The following CNTN5 variants were observed in gnomAD, a reference collection of about 807,000 sequenced individuals.
The protein encoded by CNTN5 is contactin-5.
A neutral mutation model predicts 129.1 loss-of-function variants in CNTN5; 77 were observed. The observed-to-expected ratio is 0.60, with a 90% CI of 0.50 to 0.72. The LOEUF (loss-of-function observed/expected upper bound fraction) is 0.72. Ranked by LOEUF, CNTN5 falls within the 30% of genes least tolerant of loss-of-function variation. The pLI, the probability that CNTN5 is intolerant of heterozygous loss-of-function variation, is 0.00. For synonymous variants in CNTN5, 509 were observed against 465.6 expected, an observed-to-expected ratio of 1.09 and a Z score of -1.20; for missense variants, 1,478 against 1,328.8, an observed-to-expected ratio of 1.11 and a Z score of -1.75.
chr11:100,073,818 C>CT (rs1236850060), intron 12 of CNTN5, among the ~76,000 whole-genome samples: 2 of 152,118 alleles, frequency 1.3e-5, no homozygotes, highest in Non-Finnish European at 2.9e-5. Flanking sequence ...CAAATGGACT[C>CT]TGTCAGTTAG....
chr11:99,415,669 A>C (rs1942625435), intron 2 of CNTN5, among the ~76,000 whole-genome samples: 1 of 152,114 alleles, frequency 6.6e-6, no homozygotes, highest in African/African-American at 2.4e-5. Context: ...AGAGCAGGAG[A>C]GTGTCAAAGA....
chr11:99,909,275 C>T (rs1384307228), intron 6 of CNTN5, among the ~76,000 whole-genome samples: 4 of 152,062 alleles, frequency 2.6e-5, no homozygotes, highest in African/African-American at 9.7e-5. Flanking sequence ...CATCTCACAC[C>T]AGTTAGAATG....
intron 1 of CNTN5, among the ~76,000 whole-genome samples, chr11:99,317,384 T>C (rs373107674): frequency 6.6e-6 from 1 of 152,200 alleles, no homozygotes; most frequent in South Asian, 2.1e-4. Context: ...TAGTGACAGA[T>C]GTAGCAATAT....
At chr11:99,685,224 A>G (rs1269004507) in intron 3 of CNTN5, among the ~76,000 whole-genome samples, 6 of 151,524 alleles carry the variant, frequency 4.0e-5, no homozygotes, top group Non-Finnish European at 5.9e-5. Flanking sequence ...TATTGCTTTA[A>G]GGCTTTGATT....
Position 99,031,376 on chromosome 11 carries a change from C to G in CNTN5, c.-210+10106C>G, listed in dbSNP as rs576543526. On this transcript the variant is annotated intron_variant, in intron 1 of 24. Coordinates refer to ENST00000524871, the MANE Select transcript of CNTN5 (RefSeq NM_014361.4). The stretch of plus-strand genomic sequence containing the variant: ...TACCCGTGCAATAAGTAAACCTCTT[C>G]CTGAAACATTTACTGATTATTCTAC... Among the ~76,000 whole-genome samples, 4 of 152,028 alleles carry G rather than the reference C, an allele frequency of 2.6e-5. No homozygotes were observed. In the South Asian group the frequency reaches 8.3e-4, roughly 32 times the overall value.
intron 21 of CNTN5, among the ~76,000 whole-genome samples, chr11:100,323,567 T>A (rs1951735040): frequency 6.6e-6 from 1 of 152,152 alleles, no homozygotes; most frequent in Non-Finnish European, 1.5e-5. Context: ...CATCCACATT[T>A]CCATCATTTT....
chr11:99,819,030 G>T (rs1054443952), intron 3 of CNTN5, among the ~76,000 whole-genome samples: 1 of 151,856 alleles, frequency 6.6e-6, no homozygotes, highest in African/African-American at 2.4e-5. Context: ...ATAAATTTTA[G>T]TAAATGAAGT....
chr11:100,263,726 A>G (rs1950248464), intron 17 of CNTN5, among the ~76,000 whole-genome samples: 1 of 152,212 alleles, frequency 6.6e-6, no homozygotes, highest in East Asian at 1.9e-4. Flanking sequence ...CTGTGCTTCA[A>G]TCTTATTCTT....
chr11:100,245,008 TTA>T (rs1473954001), intron 16 of CNTN5, among the ~76,000 whole-genome samples: 4 of 152,172 alleles, frequency 2.6e-5, no homozygotes, highest in Non-Finnish European at 4.4e-5. Context: ...CAGTTATCCT[TTA>T]TATCTTAGAA....
intron 3 of CNTN5, among the ~76,000 whole-genome samples, chr11:99,756,584 C>G (rs1053429308): frequency 1.3e-5 from 2 of 152,046 alleles, no homozygotes; most frequent in African/African-American, 4.8e-5. Flanking sequence ...AATACACACT[C>G]AAAGAATGGA....
At chr11:99,808,536 T>C (rs190796018) in intron 3 of CNTN5, among the ~76,000 whole-genome samples, 2 of 152,320 alleles carry the variant, frequency 1.3e-5, no homozygotes, top group Admixed American at 1.3e-4. Flanking sequence ...TGTGCCTCAG[T>C]AACCTGTAAT....
At chr11:99,385,593 T>G (rs1454163205) in intron 2 of CNTN5, among the ~76,000 whole-genome samples, 1 of 152,158 alleles carries the variant, frequency 6.6e-6, no homozygotes, top group Non-Finnish European at 1.5e-5. Flanking sequence ...GAGAGAAAAT[T>G]TGTAAGAAAA....
intron 3 of CNTN5, among the ~76,000 whole-genome samples, chr11:99,579,058 G>C (rs977716122): frequency 1.3e-5 from 2 of 152,102 alleles, no homozygotes; most frequent in Admixed American, 6.6e-5. Flanking sequence ...TGGCTAGCCA[G>C]TTTCCCCAGC....
intron 9 of CNTN5, among the ~76,000 whole-genome samples, chr11:100,040,744 C>T (rs190384299): frequency 0.012 from 1,775 of 152,114 alleles, 23 homozygotes; most frequent in Non-Finnish European, 0.02. Context: ...TAGCAATGAG[C>T]GAGACTCTGT....
chr11:100,250,171 G>A (rs1009945699), intron 16 of CNTN5, among the ~76,000 whole-genome samples: 2 of 151,896 alleles, frequency 1.3e-5, no homozygotes, highest in Admixed American at 6.6e-5. Context: ...CATTCATGGA[G>A]CTTGTCTGTC....
intron 17 of CNTN5, among the ~76,000 whole-genome samples, chr11:100,268,416 C>A (rs1282797490): frequency 6.6e-6 from 1 of 152,056 alleles, no homozygotes; most frequent in Non-Finnish European, 1.5e-5. Context: ...AGAAGAGAAC[C>A]AGCCAAAGGC....
At chr11:100,269,351 C>G (rs921337583) in intron 17 of CNTN5, among the ~76,000 whole-genome samples, 2 of 152,052 alleles carry the variant, frequency 1.3e-5, no homozygotes, top group African/African-American at 4.8e-5. Context: ...TAATTGCAGA[C>G]AGTAAGTAAT....
At chr11:99,643,964 A>G (rs1358575437) in intron 3 of CNTN5, among the ~76,000 whole-genome samples, 1 of 152,194 alleles carries the variant, frequency 6.6e-6, no homozygotes, top group Non-Finnish European at 1.5e-5. Flanking sequence ...CCAGAAATAC[A>G]TGTCCCATGC....
intron 2 of CNTN5, among the ~76,000 whole-genome samples, chr11:99,512,657 T>G (rs564758429): frequency 6.6e-6 from 1 of 152,280 alleles, no homozygotes; most frequent in African/African-American, 2.4e-5. Flanking sequence ...AGCTTTTTCA[T>G]TATTATTATG....
Sources: gnomAD v4.1 joint callset for allele counts (sites outside exome capture counted in the v4.1 genomes callset) on GRCh38, gnomAD v4.1.1 for gene constraint, MANE v1.5 for transcripts, NCBI Gene and HGNC (gene_info 2026-07-23, HGNC 2026-07-21) for gene names.